MAGI2: variants seen among roughly 807,000 people sequenced by gnomAD.
MAGI2 encodes the protein membrane associated guanylate kinase, WW and PDZ domain containing 2, also known as membrane-associated guanylate kinase, WW and PDZ domain-containing protein 2.
MAGI2 carries 35 observed loss-of-function variants against 133.3 expected under a neutral mutation model. The ratio of observed to expected loss-of-function variants is 0.26; its 90% confidence interval spans 0.20 to 0.35. The LOEUF is 0.35. MAGI2 is among the 10% of genes least tolerant of loss of function. MAGI2 has a pLI of 1.00. For synonymous variants in MAGI2, 729 were observed against 710.6 expected, an observed-to-expected ratio of 1.03 and a Z score of -0.41; for missense variants, 1,636 against 1,863.4, an observed-to-expected ratio of 0.88 and a Z score of 2.25.
At chr7:78,320,633 C>T (rs748051639) in intron 9 of MAGI2, among the ~76,000 whole-genome samples, 34 of 151,854 alleles carry the variant, frequency 2.2e-4, no homozygotes, top group Non-Finnish European at 3.2e-4. Flanking sequence ...CAAAATAATG[C>T]GAGTTATTTA....
At chr7:78,062,848 C>T (rs567648115) in intron 21 of MAGI2, among the ~76,000 whole-genome samples, 4 of 152,342 alleles carry the variant, frequency 2.6e-5, no homozygotes, top group Admixed American at 6.5e-5. Context: ...TCTGCCTAAG[C>T]TTGGCCCTTC....
At chr7:78,891,440 G>C (rs2151569888) in intron 2 of MAGI2, among the ~76,000 whole-genome samples, 1 of 152,272 alleles carries the variant, frequency 6.6e-6, no homozygotes, top group South Asian at 2.1e-4. Context: ...GAGAATTTTA[G>C]ACCAATATCC....
chr7:78,997,593 C>G (rs1436362599), intron 2 of MAGI2, among the ~76,000 whole-genome samples: 1 of 147,642 alleles, frequency 6.8e-6, no homozygotes, highest in African/African-American at 2.5e-5. Flanking sequence ...CAGAGCGAGA[C>G]TCCATCTCAA....
At chr7:79,184,520 T>C (rs1269927668) in intron 1 of MAGI2, among the ~76,000 whole-genome samples, 1 of 151,624 alleles carries the variant, frequency 6.6e-6, no homozygotes. Context: ...GATTCAATTG[T>C]TTTACTATGT....
intron 2 of MAGI2, among the ~76,000 whole-genome samples, chr7:78,922,813 T>C (rs1799368244): frequency 6.7e-6 from 1 of 150,310 alleles, no homozygotes; most frequent in South Asian, 2.1e-4. Flanking sequence ...CCACCAACAG[T>C]GTAAAAGTGT....
intron 2 of MAGI2, among the ~76,000 whole-genome samples, chr7:78,846,591 T>C (rs1321435317): frequency 1.2e-4 from 18 of 152,014 alleles, no homozygotes. Context: ...AATGACTGGG[T>C]TCCTAGACGT....
At position 78,657,385 on chromosome 7, in the gene MAGI2, A is replaced by G. The variant is rs563002762; in HGVS notation, c.419-30146T>C. ...AAACCTGCATGTGGATGTTTGTAGA[A>G]TCTTTATTCACAATTGCCAAAACTT... is the stretch of plus-strand genomic sequence containing the variant. On this transcript the variant is annotated intron_variant, in intron 2 of 21. Coordinates refer to ENST00000354212, the MANE Select transcript of MAGI2 (RefSeq NM_012301.4). 2.6e-5 allele frequency among the ~76,000 whole-genome samples: 4 copies of G among 152,332 alleles called. No homozygotes were observed. The East Asian group carries it at 7.7e-4, about 29-fold the overall frequency.
chr7:79,299,093 T>C lies in MAGI2; in HGVS notation c.301+153927A>G, dbSNP rs139633950. 4.2e-4 allele frequency among the ~76,000 whole-genome samples: 64 copies of C among 152,234 alleles called. No homozygotes were observed. In the East Asian group the frequency reaches 0.012, roughly 28 times the overall value. On this transcript the variant is annotated intron_variant, in intron 1 of 21. Coordinates refer to ENST00000354212, the MANE Select transcript of MAGI2 (RefSeq NM_012301.4). The stretch of plus-strand genomic sequence containing the variant: ...AACTGAAGCAGAGAAAAGTAATTTC[T>C]CTGCTATAAGTAATAAGGCAATGTG...
At chr7:79,010,525 T>A (rs1395822388) in intron 1 of MAGI2, among the ~76,000 whole-genome samples, 2 of 152,152 alleles carry the variant, frequency 1.3e-5, no homozygotes. Flanking sequence ...TAATTTGCTA[T>A]CTTATTTTCC....
At chr7:78,136,782 G>A (rs1822186064) in intron 16 of MAGI2, among the ~76,000 whole-genome samples, 1 of 152,164 alleles carries the variant, frequency 6.6e-6, no homozygotes, top group Admixed American at 6.5e-5. Flanking sequence ...TCTCAATCTT[G>A]CACATGCTTT....
intron 2 of MAGI2, among the ~76,000 whole-genome samples, chr7:78,635,793 T>C (rs901703967): frequency 6.6e-6 from 1 of 152,220 alleles, no homozygotes; most frequent in Non-Finnish European, 1.5e-5. Context: ...ATCATCAGAT[T>C]TGTGTATGCT....
At chr7:78,357,335 TA>T (rs1792185473) in intron 7 of MAGI2, among the ~76,000 whole-genome samples, 1 of 152,188 alleles carries the variant, frequency 6.6e-6, no homozygotes, top group Admixed American at 6.5e-5. Flanking sequence ...ACCAAGTGCT[TA>T]ATAATGGTAG....
At chr7:78,667,625 G>A (rs1258804583) in intron 2 of MAGI2, among the ~76,000 whole-genome samples, 3 of 149,004 alleles carry the variant, frequency 2.0e-5, no homozygotes, top group African/African-American at 5.0e-5. Flanking sequence ...CCACCTATGA[G>A]TGAGAACATG....
intron 13 of MAGI2, 102 bp downstream of exon 13, chr7:78,185,527 A>G (rs1827599081): frequency 1.1e-6 from 1 of 894,288 alleles, no homozygotes. Context: ...AAAGTAGCAC[A>G]GCGATTATAT....
rs148252922 is a variant in MAGI2 at position 78,285,168 on chromosome 7, C to A, written c.1409-28587G>T. Among the ~76,000 whole-genome samples the A allele has an allele frequency of 1.4e-4, 21 of 152,152 alleles. No individual in the cohort carries two copies. The South Asian group carries it at 1.5e-3, about 11-fold the overall frequency. Reference sequence around the variant, plus strand: ...ACACACAGATGCTTAGCAAAACTTGCACTCCAACAAATACCAAAACCTCCC... The same window carrying A: ...ACACACAGATGCTTAGCAAAACTTGAACTCCAACAAATACCAAAACCTCCC... On this transcript the variant is annotated intron_variant, in intron 9 of 21. Coordinates refer to ENST00000354212, the MANE Select transcript of MAGI2 (RefSeq NM_012301.4).
intron 2 of MAGI2, among the ~76,000 whole-genome samples, chr7:78,696,078 G>A (rs1397308822): frequency 2.6e-5 from 4 of 152,138 alleles, no homozygotes; most frequent in Non-Finnish European, 5.9e-5. Flanking sequence ...TGGGACAACA[G>A]GCAGGCACTG....
chr7:79,129,979 C>A (rs1039875588), intron 1 of MAGI2, among the ~76,000 whole-genome samples: 3 of 152,006 alleles, frequency 2.0e-5, no homozygotes, highest in African/African-American at 7.3e-5. Context: ...ATTAGTCTCA[C>A]GGTTATTTAT....
At position 78,984,201 on chromosome 7, in the gene MAGI2, G is replaced by T. The variant is rs376350058; in HGVS notation, c.418+22889C>A. ...TGACCACCTCCACTGTTGCCCCTTG[G>T]TGTAAGCCGCCATCCTCTCTGCTTA... On this transcript the variant is annotated intron_variant, in intron 2 of 21. Coordinates refer to ENST00000354212, the MANE Select transcript of MAGI2 (RefSeq NM_012301.4). Among the ~76,000 whole-genome samples, 30 of 151,910 alleles carry T rather than the reference G, an allele frequency of 2.0e-4. No individual in the cohort carries two copies. In the South Asian group the frequency reaches 5.8e-3, roughly 29 times the overall value.
chr7:79,189,322 A>T lies in MAGI2; in HGVS notation c.302-182116T>A, dbSNP rs534585639. Among the ~76,000 whole-genome samples the T allele has an allele frequency of 2.0e-3, 301 of 151,278 alleles. 5 individuals carry two copies. The highest frequency in any genetic ancestry group is 7.1e-3 in the African/African-American group (290 of 41,114). On this transcript the variant is annotated intron_variant, in intron 1 of 21. Transcript: ENST00000354212. ...TGCCATTTTTATAGGCAAAAAAAAA[A>T]AAAAAAAAAAATGGCACCCTTCTTT...
Sources: gnomAD v4.1 joint callset for allele counts (sites outside exome capture counted in the v4.1 genomes callset) on GRCh38, gnomAD v4.1.1 for gene constraint, MANE v1.5 for transcripts, NCBI Gene and HGNC (gene_info 2026-07-23, HGNC 2026-07-21) for gene names.